The following NBPF26 variants were observed in gnomAD, a reference collection of about 807,000 sequenced individuals.
The protein encoded by NBPF26 is NBPF family member NBPF26.
In NBPF26, 79 loss-of-function variants were observed where a neutral mutation model predicts 119.6. That is an observed-to-expected ratio of 0.66 (90% confidence interval 0.55 to 0.80). NBPF26 has a LOEUF of 0.80. NBPF26 is among the 30% of genes least tolerant of loss of function. The pLI, the probability that NBPF26 is intolerant of heterozygous loss-of-function variation, is 0.00. For synonymous variants in NBPF26, 299 were observed against 457.7 expected, an observed-to-expected ratio of 0.65 and a Z score of 4.43; for missense variants, 800 against 1,198.2, an observed-to-expected ratio of 0.67 and a Z score of 4.91.
At chr1:120,812,988 A>G (rs1309515093) in intron 10 of NBPF26, among the ~76,000 whole-genome samples, 6 of 119,170 alleles carry the variant, frequency 5.0e-5, no homozygotes, top group African/African-American at 2.8e-4. Flanking sequence ...AGCAGAGAGT[A>G]GCTTGGTGAG....
intron 27 of NBPF26, 79 bp downstream of exon 33, chr1:120,838,181 C>T (rs1652441312): frequency 8.5e-6 from 2 of 235,938 alleles, no homozygotes; most frequent in Admixed American, 1.6e-4. Context: ...AGCGGGCTGA[C>T]ATTATCGATT....
chr1:120,790,314 G>T (rs1478559538), intron 3 of NBPF26, among the ~76,000 whole-genome samples: 1 of 112,202 alleles, frequency 8.9e-6, no homozygotes, highest in East Asian at 2.2e-4. Flanking sequence ...ACACCGGGCC[G>T]ATTCTGATCA....
At chr1:120,806,610 G>A (rs1415197843) in intron 5 of NBPF26, among the ~76,000 whole-genome samples, 1 of 124,592 alleles carries the variant, frequency 8.0e-6, no homozygotes, top group Non-Finnish European at 1.6e-5. Flanking sequence ...CAAACAAAAC[G>A]ATAAATAAAT....
rs1318000829 is a variant in NBPF26 at position 120,728,426 on chromosome 1, C to G, written c.73+4176C>G. ...CCCTTCCCCAGATGTTTCATTTAAACTTGTAATTTTGAATTTCTTTGTGTG... is the reference window on the plus strand; with the variant it reads ...CCCTTCCCCAGATGTTTCATTTAAAGTTGTAATTTTGAATTTCTTTGTGTG... On this transcript the variant is annotated intron_variant, in intron 1 of 29. Coordinates refer to ENST00000620612, the Ensembl canonical transcript of NBPF26. Among the ~76,000 whole-genome samples, 383 of 111,458 alleles carry G rather than the reference C, an allele frequency of 3.4e-3. 83 individuals are homozygous for G. Among genetic ancestry groups the G allele is most frequent in the Admixed American group, 6.0e-3 (69 of 11,536 alleles). The allele number at this position is 111,458 out of a possible 152,430, so 73.1% of individuals were successfully genotyped here.
intron 2 of NBPF26, among the ~76,000 whole-genome samples, chr1:120,765,851 G>A (rs1651185353): frequency 8.1e-6 from 1 of 122,758 alleles, no homozygotes; most frequent in Non-Finnish European, 1.7e-5. Flanking sequence ...GAAGCTGGAA[G>A]CCATCATTCT....
chr1:120,785,223 C>T lies in NBPF26; in HGVS notation c.405C>T (p.Val135=), dbSNP rs1162621601. ...ATACCTATGAGTGCACCTGTCAAGTCGGGTTTACAGGTAACTAATGAGACC... is the reference window on the plus strand; with the variant it reads ...ATACCTATGAGTGCACCTGTCAAGTTGGGTTTACAGGTAACTAATGAGACC... Residue 135 remains valine (V), a synonymous_variant, in exon 3 of 30, where the codon GTC becomes GTT. Coordinates refer to ENST00000620612, the Ensembl canonical transcript of NBPF26. 3.9e-5 allele frequency: 56 copies of T among 1,445,112 alleles called. 12 individuals carry two copies. Among genetic ancestry groups the T allele is most frequent in the Non-Finnish European group, 4.9e-5 (53 of 1,081,468 alleles). 89.5% of individuals were successfully genotyped at this position (1,445,112 alleles called of 1,614,324 possible).
chr1:120,823,637 T>A (rs1652178595), intron 17 of NBPF26, among the ~76,000 whole-genome samples: 1 of 125,022 alleles, frequency 8.0e-6, no homozygotes, highest in Non-Finnish European at 1.6e-5. Flanking sequence ...TACGCAAAAT[T>A]ATTGAGGACA....
chr1:120,829,738 T>G (rs1652303867), intron 18 of NBPF26: 1 of 1,112,918 alleles, frequency 9.0e-7, no homozygotes, highest in African/African-American at 3.1e-5. Context: ...GCTTAATATA[T>G]CTGTCCATGT....
At chr1:120,832,968 A>C (rs1201483238) in exon 23 of NBPF26, 2 of 1,087,232 alleles carry the variant, frequency 1.8e-6, no homozygotes, top group East Asian at 4.9e-5. Context: ...GAAGATCAAA[A>C]CCCACCATGC....
intron 9 of NBPF26, among the ~76,000 whole-genome samples, chr1:120,811,256 A>G: frequency 9.6e-6 from 1 of 104,132 alleles, no homozygotes; most frequent in East Asian, 2.2e-4. Context: ...TCAAAAAAAA[A>G]AAGTCTCTGA....
At chr1:120,810,132 C>A (rs1359985159) in intron 8 of NBPF26, among the ~76,000 whole-genome samples, 4 of 124,284 alleles carry the variant, frequency 3.2e-5, no homozygotes, top group East Asian at 2.0e-4. Context: ...GTCCAGTGCA[C>A]TGAACACCAG....
chr1:120,793,064 TCTC>T (rs1651510821), intron 3 of NBPF26, 94 bp from the exon 4 acceptor site: 2 of 615,890 alleles, frequency 3.2e-6, no homozygotes, highest in Non-Finnish European at 5.5e-6. Flanking sequence ...GTTGAGGTCT[TCTC>T]CACGCAAGAG....
chr1:120,769,590 A>G (rs1651237720), intron 2 of NBPF26, among the ~76,000 whole-genome samples: 2 of 122,560 alleles, frequency 1.6e-5, no homozygotes, highest in South Asian at 2.4e-4. Context: ...TTTTTGGCTC[A>G]TTAAATACCT....
intron 17 of NBPF26, 119 bp downstream of exon 17, chr1:120,823,479 G>C: frequency 1.5e-6 from 1 of 666,778 alleles, no homozygotes; most frequent in Non-Finnish European, 2.5e-6. Context: ...TCTGAATTAT[G>C]CCTACTACAT....
chr1:120,806,276 C>T lies in NBPF26; in HGVS notation c.961+511C>T, dbSNP rs1237089723. The stretch of plus-strand genomic sequence containing the variant: ...GAGTCTGCTCCTAATAGAACCTGTG[C>T]TATCTATAAGTGACAGCATCAAGAG... On this transcript the variant is annotated intron_variant, in intron 5 of 29. Transcript: ENST00000620612. Among the ~76,000 whole-genome samples, 5 of 120,548 alleles carry T rather than the reference C, an allele frequency of 4.1e-5. 2 individuals carry two copies. Among genetic ancestry groups the T allele is most frequent in the African/African-American group, 2.0e-4 (5 of 24,752 alleles). 79.1% of individuals were successfully genotyped at this position (120,548 alleles called of 152,430 possible).
chr1:120,817,832 G>T lies in NBPF26; in HGVS notation c.2372-291G>T, dbSNP rs1330418991. Reference sequence around the variant, plus strand: ...CAGCAACACTCTTAGAAAATTGTTTGACCAATTTTTGGAGATTTTTTTGGG... The same window carrying T: ...CAGCAACACTCTTAGAAAATTGTTTTACCAATTTTTGGAGATTTTTTTGGG... On this transcript the variant is annotated intron_variant, in intron 14 of 29. Coordinates refer to ENST00000620612, the Ensembl canonical transcript of NBPF26. Among the ~76,000 whole-genome samples the T allele has an allele frequency of 2.5e-3, 268 of 105,384 alleles. 86 individuals are homozygous for T. The highest frequency in any genetic ancestry group is 0.013 in the African/African-American group (214 of 16,490). 69.1% of individuals were successfully genotyped at this position (105,384 alleles called of 152,430 possible).
rs1177031452 is a variant in NBPF26 at position 120,823,752 on chromosome 1, CTGTGTGTGTGTGTGTG to C, written c.2640-198_2640-183del. Among the ~76,000 whole-genome samples, 7 of 73,340 alleles carry C rather than the reference CTGTGTGTGTGTGTGTG, an allele frequency of 9.5e-5. 1 individual carries two copies. Among genetic ancestry groups the C allele is most frequent in the Admixed American group, 3.8e-4 (3 of 7,944 alleles). 48.1% of individuals were successfully genotyped at this position (73,340 alleles called of 152,430 possible). ...ACCTGACCAATTCACTGAGCTCGCTCTGTGTGTGTGTGTGTGTGTGTGTGTGTGTGTGTGTGTGTCT... is the reference window on the plus strand; with the variant it reads ...ACCTGACCAATTCACTGAGCTCGCTCTGTGTGTGTGTGTGTGTGTGTGTCT... On this transcript the variant is annotated intron_variant, in intron 17 of 29. Transcript: ENST00000620612.
intron 1 of NBPF26, among the ~76,000 whole-genome samples, chr1:120,761,099 G>C (rs1651132672): frequency 8.0e-6 from 1 of 124,934 alleles, no homozygotes; most frequent in East Asian, 2.2e-4. Context: ...CAGTCACTGA[G>C]TTTGATTGGT....
At chr1:120,802,608 CA>C (rs1193867900) in intron 4 of NBPF26, among the ~76,000 whole-genome samples, 1 of 119,374 alleles carries the variant, frequency 8.4e-6, no homozygotes, top group Non-Finnish European at 1.6e-5. Flanking sequence ...CCTCTTTTTG[CA>C]CAGCAACATG....
Sources: gnomAD v4.1 joint callset for allele counts (sites outside exome capture counted in the v4.1 genomes callset) on GRCh38, gnomAD v4.1.1 for gene constraint, MANE v1.5 for transcripts, NCBI Gene and HGNC (gene_info 2026-07-23, HGNC 2026-07-21) for gene names.